FSTL4: variants seen among roughly 807,000 people sequenced by gnomAD.
FSTL4 encodes the protein follistatin like 4, also known as follistatin-related protein 4.
In FSTL4, 28 loss-of-function variants were observed where a neutral mutation model predicts 78.2. The observed-to-expected ratio is 0.36, with a 90% CI of 0.27 to 0.49. The LOEUF is 0.49. FSTL4 is among the 20% of genes least tolerant of loss of function. The pLI, the probability that FSTL4 is intolerant of heterozygous loss-of-function variation, is 0.98. For synonymous variants in FSTL4, 422 were observed against 440.5 expected (o/e 0.96, Z 0.53); for missense variants, 922 against 1,084.9 (o/e 0.85, Z 2.11).
At chr5:133,834,952 T>C in the FSTL4 span, among the ~76,000 whole-genome samples, 1 of 152,060 alleles carries the variant, frequency 6.6e-6, no homozygotes, top group Non-Finnish European at 1.5e-5. Context: ...TCTTGTCTTT[T>C]TTCTGATTAT....
At chr5:133,675,410 G>A in the FSTL4 span, among the ~76,000 whole-genome samples, 2 of 152,240 alleles carry the variant, frequency 1.3e-5, no homozygotes, top group Non-Finnish European at 2.9e-5. Context: ...CTTTGCTACC[G>A]ATGGCCTAGT....
the FSTL4 span, among the ~76,000 whole-genome samples, chr5:133,806,883 A>G: frequency 1.3e-5 from 2 of 152,246 alleles, no homozygotes; most frequent in African/African-American, 4.8e-5. Flanking sequence ...ATGATCCTCC[A>G]GGCAAATGCC....
chr5:133,682,677 C>T, the FSTL4 span, among the ~76,000 whole-genome samples: 5 of 152,234 alleles, frequency 3.3e-5, no homozygotes, highest in Non-Finnish European at 7.3e-5. Flanking sequence ...GGCCACAGAG[C>T]AGCCTGAAAT....
chr5:133,805,176 C>T, the FSTL4 span, among the ~76,000 whole-genome samples: 1 of 151,968 alleles, frequency 6.6e-6, no homozygotes, highest in Admixed American at 6.6e-5. Context: ...CCCATTTCCC[C>T]ATTGAGCTTG....
At chr5:133,811,353 C>T in the FSTL4 span, among the ~76,000 whole-genome samples, 1 of 152,162 alleles carries the variant, frequency 6.6e-6, no homozygotes, top group South Asian at 2.1e-4. Flanking sequence ...CCCTTCAAGG[C>T]TTGCTCAGGA....
At chr5:133,765,909 C>T in the FSTL4 span, among the ~76,000 whole-genome samples, 1 of 152,132 alleles carries the variant, frequency 6.6e-6, no homozygotes, top group African/African-American at 2.4e-5. Context: ...TCAAGAGAGC[C>T]ACACTGAGAC....
At chr5:133,466,399 G>T (rs1012851320) in intron 3 of FSTL4, among the ~76,000 whole-genome samples, 1 of 152,100 alleles carries the variant, frequency 6.6e-6, no homozygotes, top group Admixed American at 6.6e-5. Flanking sequence ...AAAATTAGCC[G>T]GGTGCGGTGG....
the FSTL4 span, among the ~76,000 whole-genome samples, chr5:133,633,074 A>G: frequency 1.4e-5 from 2 of 140,908 alleles, no homozygotes; most frequent in Non-Finnish European, 3.2e-5. Flanking sequence ...GTTGCTTTCA[A>G]TATTTTTTTA....
intron 6 of FSTL4, among the ~76,000 whole-genome samples, chr5:133,294,147 G>A (rs189887875): frequency 3.9e-5 from 6 of 152,182 alleles, no homozygotes; most frequent in South Asian, 2.1e-4. Context: ...TTTCCATGGC[G>A]TTCTTTTGGC....
intron 4 of FSTL4, among the ~76,000 whole-genome samples, chr5:133,352,858 T>C (rs1471509592): frequency 6.6e-6 from 1 of 152,228 alleles, no homozygotes; most frequent in African/African-American, 2.4e-5. Flanking sequence ...TCACTGTTAA[T>C]GGGCACCTGG....
At position 133,246,059 on chromosome 5, in the gene FSTL4, TCATA is replaced by T. The variant is rs373711094; in HGVS notation, c.894+3347_894+3350del. ...ATATTTTGTTGCCAATCAAGATGTCTCATACAAACGACAAAGAAAGGAGGCCCAC... is the reference window on the plus strand; with the variant it reads ...ATATTTTGTTGCCAATCAAGATGTCTCAAACGACAAAGAAAGGAGGCCCAC... On this transcript the variant is annotated intron_variant, in intron 7 of 15. Coordinates refer to ENST00000265342, the MANE Select transcript of FSTL4 (RefSeq NM_015082.2). Among the ~76,000 whole-genome samples the T allele has an allele frequency of 3.8e-3, 583 of 152,332 alleles. 8 individuals are homozygous for T. Among genetic ancestry groups the T allele is most frequent in the African/African-American group, 0.014 (562 of 41,560 alleles).
At chr5:133,806,388 A>G in the FSTL4 span, among the ~76,000 whole-genome samples, 1 of 152,230 alleles carries the variant, frequency 6.6e-6, no homozygotes, top group Non-Finnish European at 1.5e-5. Flanking sequence ...GCTCATAGGT[A>G]AATTTCCATT....
At chr5:133,788,411 G>A in the FSTL4 span, among the ~76,000 whole-genome samples, 5 of 152,236 alleles carry the variant, frequency 3.3e-5, no homozygotes, top group African/African-American at 1.2e-4. Flanking sequence ...TGCAAGGTGA[G>A]GCTCACACGA....
the FSTL4 span, among the ~76,000 whole-genome samples, chr5:133,724,578 G>T: frequency 6.6e-6 from 1 of 152,112 alleles, no homozygotes; most frequent in Non-Finnish European, 1.5e-5. Context: ...AAATGGGGTT[G>T]TCTCTGAGTT....
At chr5:133,462,622 T>C (rs1757615921) in intron 3 of FSTL4, among the ~76,000 whole-genome samples, 1 of 152,196 alleles carries the variant, frequency 6.6e-6, no homozygotes, top group South Asian at 2.1e-4. Flanking sequence ...TAGACTACCC[T>C]GGCCAGTGAA....
the FSTL4 span, among the ~76,000 whole-genome samples, chr5:133,835,836 T>C: frequency 4.6e-5 from 7 of 152,232 alleles, no homozygotes; most frequent in African/African-American, 1.4e-4. Flanking sequence ...AATAAGTCTA[T>C]TTCTCCTTTT....
At chr5:133,408,718 T>G (rs1278247143) in intron 3 of FSTL4, among the ~76,000 whole-genome samples, 1 of 152,142 alleles carries the variant, frequency 6.6e-6, no homozygotes, top group Non-Finnish European at 1.5e-5. Flanking sequence ...AGCTGATAGT[T>G]GTGTGAGCCC....
chr5:133,233,102 T>G (rs901519033), intron 8 of FSTL4, among the ~76,000 whole-genome samples: 5 of 152,238 alleles, frequency 3.3e-5, no homozygotes, highest in Non-Finnish European at 7.3e-5. Context: ...CAGCACTGTG[T>G]TGCCTAAGGG....
chr5:133,628,777 GAATAAAAA>G, the FSTL4 span, among the ~76,000 whole-genome samples: 2 of 151,946 alleles, frequency 1.3e-5, no homozygotes, highest in African/African-American at 2.4e-5. Context: ...ATAAAGAAAT[GAATAAAAA>G]AATAAAAAAA....
Sources: gnomAD v4.1 joint callset for allele counts (sites outside exome capture counted in the v4.1 genomes callset) on GRCh38, gnomAD v4.1.1 for gene constraint, MANE v1.5 for transcripts, NCBI Gene and HGNC (gene_info 2026-07-23, HGNC 2026-07-21) for gene names.